The following MAP2 variants were observed in gnomAD, a reference collection of about 807,000 sequenced individuals.
MAP2 encodes microtubule-associated protein 2.
In MAP2, 14 loss-of-function variants were observed where a neutral mutation model predicts 137.6. The observed-to-expected ratio is 0.10, with a 90% CI of 0.07 to 0.16. The LOEUF (loss-of-function observed/expected upper bound fraction) is 0.16, where lower values mean the gene tolerates loss of function less well. Ranked by LOEUF, MAP2 falls within the 10% of genes least tolerant of loss-of-function variation. The pLI is 1.00. For synonymous variants in MAP2, 786 were observed against 782.3 expected (o/e 1.00, Z -0.08); for missense variants, 2,088 against 2,191.5 (o/e 0.95, Z 0.94).
chr2:209,587,371 AT>A (rs34344578), intron 3 of MAP2, among the ~76,000 whole-genome samples: 11 of 151,132 alleles, frequency 7.3e-5, no homozygotes, highest in Admixed American at 2.0e-4. Flanking sequence ...TCAGGAAAGC[AT>A]TTTTTTTTCC....
At chr2:209,600,300 C>T (rs1021537861) in intron 3 of MAP2, among the ~76,000 whole-genome samples, 8 of 152,296 alleles carry the variant, frequency 5.3e-5, no homozygotes, top group African/African-American at 1.2e-4. Context: ...ACCTAAATTA[C>T]ACCACCTGAG....
At chr2:209,516,866 G>A (rs2062589540) in intron 2 of MAP2, among the ~76,000 whole-genome samples, 1 of 152,096 alleles carries the variant, frequency 6.6e-6, no homozygotes, top group Admixed American at 6.6e-5. Context: ...CTGGCAGGCA[G>A]TTAATTTCCT....
chr2:209,638,252 C>A (rs2093724867), intron 4 of MAP2, among the ~76,000 whole-genome samples: 1 of 152,062 alleles, frequency 6.6e-6, no homozygotes, highest in South Asian at 2.1e-4. Flanking sequence ...TAAGATAAAT[C>A]TACTCAAAGA....
Position 209,498,275 on chromosome 2 carries a change from A to G in MAP2, c.-221-9317A>G, listed in dbSNP as rs1576366188. On this transcript the variant is annotated intron_variant, in intron 1 of 15. Transcript: ENST00000682079. ...TGACTCCATGTCTTACATCCACAGC[A>G]CACTGGTACAATGAGGGGGCTCCTA... 2.0e-5 allele frequency among the ~76,000 whole-genome samples: 3 copies of G among 152,324 alleles called. No individual in the cohort carries two copies. The Middle Eastern group carries it at 0.01, about 518-fold the overall frequency.
At chr2:209,562,311 T>C (rs1331053045) in intron 2 of MAP2, among the ~76,000 whole-genome samples, 1 of 152,012 alleles carries the variant, frequency 6.6e-6, no homozygotes, top group African/African-American at 2.4e-5. Flanking sequence ...CATCTTGTAA[T>C]TTAAGAGGGT....
chr2:209,692,779 A>T lies in MAP2; in HGVS notation c.609A>T (p.Thr203=). Reference sequence around the variant, plus strand: ...CTGCCTTAGTTTCTCAGCCAGAGACAACTAAAACTTACCCTGATAAAAAGG... The same window carrying T: ...CTGCCTTAGTTTCTCAGCCAGAGACTACTAAAACTTACCCTGATAAAAAGG... ...KHAALVSQPE[T]TKTYPDKKDM... The change falls in exon 8 of 16, where the codon ACA becomes ACT. Residue 203 remains threonine, a synonymous_variant. Transcript: ENST00000682079. The T allele has an allele frequency of 6.2e-7, 1 of 1,614,066 alleles. No homozygotes were observed. Among genetic ancestry groups the T allele is most frequent in the South Asian group, 1.1e-5 (1 of 91,070 alleles).
intron 3 of MAP2, among the ~76,000 whole-genome samples, chr2:209,582,657 T>TAGATA (rs1553604009): frequency 6.7e-6 from 1 of 149,632 alleles, no homozygotes; most frequent in South Asian, 2.1e-4. Context: ...GATAGATAGA[T>TAGATA]GATAGATAGA....
rs1279215040 is a variant in MAP2, at chr2:209,694,532, T to G, written c.2362T>G (p.Ser788Ala). 9 of 1,613,838 alleles carry G rather than the reference T, an allele frequency of 5.6e-6. No homozygotes were observed. In the South Asian group the frequency reaches 8.8e-5, roughly 16 times the overall value. Residue 788 changes from serine to alanine, a missense_variant, in exon 8 of 16, where the codon TCT becomes GCT. This residue lies in a region of MAP2 where 500 missense variants were observed against 482.9 expected (regional missense o/e 1.04). Transcript: ENST00000682079. ...ESTQAEISCE[S>A]PFLAKDFYKN... ...TACTCAAGCGGAGATATCATGTGAG[T>G]CTCCTTTCCTAGCCAAAGATTTTTA...
chr2:209,498,794 G>A (rs940738835), intron 1 of MAP2, among the ~76,000 whole-genome samples: 3 of 152,170 alleles, frequency 2.0e-5, no homozygotes, highest in Admixed American at 6.5e-5. Context: ...GTATCCTAAG[G>A]CTGTGCCAGG....
chr2:209,672,584 G>GA (rs2049315103), intron 5 of MAP2, among the ~76,000 whole-genome samples: 1 of 151,850 alleles, frequency 6.6e-6, no homozygotes, highest in Non-Finnish European at 1.5e-5. Context: ...AAGAGATGGA[G>GA]ATGGAATTTG....
At chr2:209,601,046 C>T (rs561728088) in intron 3 of MAP2, among the ~76,000 whole-genome samples, 2 of 152,220 alleles carry the variant, frequency 1.3e-5, no homozygotes, top group Non-Finnish European at 2.9e-5. Context: ...GCTCTGTAGG[C>T]ACAGGTTTCT....
At chr2:209,440,695 A>G (rs1295743106) in intron 1 of MAP2, among the ~76,000 whole-genome samples, 1 of 151,522 alleles carries the variant, frequency 6.6e-6, no homozygotes, top group Non-Finnish European at 1.5e-5. Context: ...TCTGAATGTC[A>G]TAAAGGAAGG....
At chr2:209,576,221 G>T (rs1460329985) in intron 2 of MAP2, among the ~76,000 whole-genome samples, 1 of 152,070 alleles carries the variant, frequency 6.6e-6, no homozygotes, top group Non-Finnish European at 1.5e-5. Flanking sequence ...GAAGTGTGAA[G>T]TTAGGTTTCT....
At chr2:209,456,975 A>T (rs542903564) in intron 1 of MAP2, among the ~76,000 whole-genome samples, 1 of 151,996 alleles carries the variant, frequency 6.6e-6, no homozygotes, top group Admixed American at 6.6e-5. Flanking sequence ...ACACACACAC[A>T]TGTACACACA....
At chr2:209,466,023 C>G (rs918731233) in intron 1 of MAP2, among the ~76,000 whole-genome samples, 5 of 152,054 alleles carry the variant, frequency 3.3e-5, no homozygotes, top group Admixed American at 3.3e-4. Flanking sequence ...CCAAATGACC[C>G]AAAGCTGTCA....
At chr2:209,597,837 C>T (rs2081720169) in intron 3 of MAP2, among the ~76,000 whole-genome samples, 1 of 151,984 alleles carries the variant, frequency 6.6e-6, no homozygotes, top group South Asian at 2.1e-4. Flanking sequence ...TGAAGTCCTG[C>T]TTATTGGCTG....
intron 4 of MAP2, among the ~76,000 whole-genome samples, chr2:209,645,832 T>C (rs570989483): frequency 4.4e-4 from 67 of 152,278 alleles, no homozygotes; most frequent in Middle Eastern, 3.4e-3. Context: ...GCATTAAAAT[T>C]CTTGGGAATA....
intron 1 of MAP2, among the ~76,000 whole-genome samples, chr2:209,507,225 T>C (rs2061184215): frequency 6.6e-6 from 1 of 152,136 alleles, no homozygotes; most frequent in South Asian, 2.1e-4. Context: ...AGTTTTATTA[T>C]TTTTGATTAA....
intron 2 of MAP2, among the ~76,000 whole-genome samples, chr2:209,544,464 A>C (rs979267709): frequency 2.6e-5 from 4 of 152,152 alleles, no homozygotes; most frequent in Admixed American, 2.0e-4. Context: ...TAAGGGCTTT[A>C]AAATGATGTT....
Sources: gnomAD v4.1 joint callset for allele counts (sites outside exome capture counted in the v4.1 genomes callset) on GRCh38, gnomAD v4.1.1 for gene constraint, gnomAD v4.1.1 regional missense constraint, MANE v1.5 for transcripts, NCBI Gene and HGNC (gene_info 2026-07-23, HGNC 2026-07-21) for gene names.